UEVLD: variants seen among roughly 807,000 people sequenced by gnomAD.
UEVLD encodes ubiquitin-conjugating enzyme E2 variant 3.
In UEVLD, 47 loss-of-function variants were observed where a neutral mutation model predicts 58.6. That is an observed-to-expected ratio of 0.80 (90% CI 0.63 to 1.02). UEVLD has a LOEUF of 1.02. UEVLD is among the 50% of genes least tolerant of loss of function. The pLI is 0.00. For synonymous variants in UEVLD, 197 were observed against 195.3 expected, an observed-to-expected ratio of 1.01 and a Z score of -0.07; for missense variants, 510 against 550.6, an observed-to-expected ratio of 0.93 and a Z score of 0.74.
rs781162182 is a variant in UEVLD at position 18,575,422 on chromosome 11, A to G, written c.128-10T>C. 44 of 1,582,880 alleles carry G rather than the reference A, an allele frequency of 2.8e-5. No individual in the cohort carries two copies. The highest frequency in any genetic ancestry group is 3.5e-5 in the Non-Finnish European group (41 of 1,170,986). Reference sequence around the variant, plus strand: ...GAACTATCTTTAAAAACTAGAAGAAAAAAAAAAAAGCCCCAAAATGTGCAA... The same window carrying G: ...GAACTATCTTTAAAAACTAGAAGAAGAAAAAAAAAGCCCCAAAATGTGCAA... On this transcript the variant is annotated splice_polypyrimidine_tract_variant and intron_variant, in intron 2 of 11. Coordinates refer to ENST00000396197, the MANE Select transcript of UEVLD (RefSeq NM_001040697.4).
chr11:18,534,480 G>C (rs11600760), intron 10 of UEVLD, 27 bp from the exon 11 acceptor site: 1 of 1,549,764 alleles, frequency 6.5e-7, no homozygotes, highest in Non-Finnish European at 8.6e-7. Flanking sequence ...CGTGATCTCA[G>C]AAAATGCATA....
At chr11:18,565,309 T>C (rs958538498) in intron 5 of UEVLD, among the ~76,000 whole-genome samples, 4 of 152,216 alleles carry the variant, frequency 2.6e-5, no homozygotes, top group Admixed American at 6.5e-5. Flanking sequence ...TTCCAACTCA[T>C]TGCTCTGGTC....
chr11:18,552,609 C>T (rs1851575498), intron 7 of UEVLD, among the ~76,000 whole-genome samples: 1 of 151,946 alleles, frequency 6.6e-6, no homozygotes. Flanking sequence ...CGCATGTAAT[C>T]ACAGCACTTT....
At chr11:18,542,931 C>T (rs1483691632) in intron 9 of UEVLD, among the ~76,000 whole-genome samples, 1 of 137,236 alleles carries the variant, frequency 7.3e-6, no homozygotes, top group Non-Finnish European at 1.5e-5. Flanking sequence ...CTCACTCTGT[C>T]GCCCAGACTG....
chr11:18,579,398 T>C, intron 1 of UEVLD: 1 of 972,270 alleles, frequency 1.0e-6, no homozygotes, highest in South Asian at 4.8e-5. Context: ...CCAGAGTCTT[T>C]AATCTCTAAA....
Position 18,588,685 on chromosome 11 carries a change from A to C in UEVLD, c.-31T>G, listed in dbSNP as rs1413243627. On this transcript the variant is annotated 5_prime_UTR_variant, in exon 1 of 12. Transcript: ENST00000396197. The stretch of plus-strand genomic sequence containing the variant: ...GGCCGGTCCCGAGCTAGGTCCCAGG[A>C]CTCCAGCCCCCGGACCTTCTTCCGG... 1 of 1,603,670 alleles carries C rather than the reference A, an allele frequency of 6.2e-7. No homozygotes were observed. Among genetic ancestry groups the C allele is most frequent in the Non-Finnish European group, 8.5e-7 (1 of 1,178,710 alleles).
At chr11:18,583,122 C>T (rs533658612) in intron 1 of UEVLD, among the ~76,000 whole-genome samples, 26 of 151,824 alleles carry the variant, frequency 1.7e-4, no homozygotes, top group Non-Finnish European at 3.5e-4. Context: ...CAGGGTTTCA[C>T]CAAGTTGGCC....
At chr11:18,586,828 AC>A (rs1413834398) in intron 1 of UEVLD, among the ~76,000 whole-genome samples, 2 of 152,140 alleles carry the variant, frequency 1.3e-5, no homozygotes, top group African/African-American at 4.8e-5. Flanking sequence ...ATAATAAGCT[AC>A]CCCAGCCTGG....
intron 1 of UEVLD, among the ~76,000 whole-genome samples, chr11:18,586,240 G>A (rs1853553226): frequency 6.6e-6 from 1 of 150,922 alleles, no homozygotes; most frequent in Non-Finnish European, 1.5e-5. Flanking sequence ...TTTGAGATGG[G>A]GTCTCCCTCT....
chr11:18,579,957 C>T (rs759835277), intron 1 of UEVLD, among the ~76,000 whole-genome samples: 6 of 150,384 alleles, frequency 4.0e-5, no homozygotes, highest in Admixed American at 2.7e-4. Context: ...CCCTTGTTCA[C>T]GGACTTGAAG....
intron 1 of UEVLD, among the ~76,000 whole-genome samples, chr11:18,588,403 T>C (rs559568898): frequency 1.3e-5 from 2 of 150,548 alleles, no homozygotes; most frequent in Non-Finnish European, 3.0e-5. Context: ...CAGGTGGAGG[T>C]TGGGAAACCT....
At chr11:18,548,561 G>A in intron 7 of UEVLD, among the ~76,000 whole-genome samples, 1 of 152,160 alleles carries the variant, frequency 6.6e-6, no homozygotes, top group East Asian at 1.9e-4. Flanking sequence ...CCAAGTAGCT[G>A]GGATTACAGG....
chr11:18,534,496 T>C, intron 10 of UEVLD, 43 bp from the exon 11 acceptor site: 1 of 1,542,174 alleles, frequency 6.5e-7, no homozygotes, highest in Non-Finnish European at 8.6e-7. Flanking sequence ...GCATAAAATA[T>C]GCACATTTAG....
At chr11:18,557,617 TCA>T (rs1045621524) in intron 7 of UEVLD, among the ~76,000 whole-genome samples, 22 of 151,414 alleles carry the variant, frequency 1.5e-4, no homozygotes, top group African/African-American at 4.1e-4. Context: ...TGGTGGCTAT[TCA>T]CAGTCACAAT....
At chr11:18,574,738 T>TA (rs1037346502) in intron 3 of UEVLD, among the ~76,000 whole-genome samples, 1 of 152,226 alleles carries the variant, frequency 6.6e-6, no homozygotes, top group African/African-American at 2.4e-5. Flanking sequence ...TTCTGTGTTG[T>TA]AAAATTTTCC....
At chr11:18,541,998 C>A (rs1590315078) in intron 9 of UEVLD, among the ~76,000 whole-genome samples, 1 of 152,154 alleles carries the variant, frequency 6.6e-6, no homozygotes, top group African/African-American at 2.4e-5. Context: ...ACGTGGCTAT[C>A]TCCCTAACTA....
Position 18,575,387 on chromosome 11 carries a change from G to A in UEVLD, c.153C>T (p.Asp51=). The change falls in exon 3 of 12, where the codon GAC becomes GAT. Residue 51 remains aspartate (D), a synonymous_variant. Transcript: ENST00000396197. ...TYVFKDSSQK[D]LLNFTGTIPV... Reference sequence around the variant, plus strand: ...GAATTGTGCCAGTAAAATTCAGCAGGTCTTTCTGAGAACTATCTTTAAAAA... The same window carrying A: ...GAATTGTGCCAGTAAAATTCAGCAGATCTTTCTGAGAACTATCTTTAAAAA... The A allele has an allele frequency of 6.2e-7, 1 of 1,606,948 alleles. No individual in the cohort carries two copies.
intron 5 of UEVLD, among the ~76,000 whole-genome samples, chr11:18,566,095 C>T (rs1286626021): frequency 6.6e-6 from 1 of 151,858 alleles, no homozygotes; most frequent in Non-Finnish European, 1.5e-5. Context: ...GATAGGGTTT[C>T]ACCATGTTGG....
rs143040709 is a variant in UEVLD, at chr11:18,548,707, G to A, written c.716-1657C>T. Reference sequence around the variant, plus strand: ...CTCCCAAAGTGCTGGGATTACAGGCGTGAGCCACCGCACCTGGCTAGGCCA... The same window carrying A: ...CTCCCAAAGTGCTGGGATTACAGGCATGAGCCACCGCACCTGGCTAGGCCA... On this transcript the variant is annotated intron_variant, in intron 7 of 11. Transcript: ENST00000396197. 2.2e-3 allele frequency among the ~76,000 whole-genome samples: 340 copies of A among 152,272 alleles called. 3 individuals are homozygous for A. The highest frequency in any genetic ancestry group is 4.4e-3 in the Non-Finnish European group (298 of 68,020).
Sources: allele counts gnomAD v4.1 joint callset (sites outside exome capture counted in the v4.1 genomes callset), GRCh38; gene constraint gnomAD v4.1.1; transcripts MANE v1.5; gene names NCBI Gene and HGNC (gene_info 2026-07-23, HGNC 2026-07-21).